The following PGBD5 variants were observed in gnomAD, a reference collection of about 807,000 sequenced individuals.
PGBD5 encodes piggyBac transposable element derived 5.
PGBD5 carries 14 observed loss-of-function variants against 47.9 expected under a neutral mutation model. That is an observed-to-expected ratio of 0.29 (90% CI 0.19 to 0.46). The LOEUF is 0.46. Among genes scored for constraint, PGBD5 ranks in the 20% least tolerant of loss-of-function variants. The pLI is 1.00. For missense variants in PGBD5, 635 were observed against 716.0 expected (o/e 0.89, Z 1.29); for synonymous variants, 316 against 306.3 (o/e 1.03, Z -0.33).
At chr1:230,362,671 TG>T (rs1431509840) in intron 1 of PGBD5, among the ~76,000 whole-genome samples, 1 of 152,076 alleles carries the variant, frequency 6.6e-6, no homozygotes, top group African/African-American at 2.4e-5. Context: ...CCAGCTAAAG[TG>T]TGAAAGCAGA....
intron 2 of PGBD5, among the ~76,000 whole-genome samples, chr1:230,351,926 C>T (rs775198589): frequency 3.3e-5 from 5 of 152,190 alleles, no homozygotes; most frequent in Non-Finnish European, 7.3e-5. Flanking sequence ...GGCCACAGAT[C>T]TGCTTCTTCA....
intron 1 of PGBD5, among the ~76,000 whole-genome samples, chr1:230,399,925 G>A (rs1441840188): frequency 1.3e-5 from 2 of 152,198 alleles, no homozygotes; most frequent in African/African-American, 2.4e-5. Context: ...GTTATGGCGG[G>A]AGCCAGATCC....
At chr1:230,346,955 T>C (rs1183065350) in intron 3 of PGBD5, among the ~76,000 whole-genome samples, 1 of 152,194 alleles carries the variant, frequency 6.6e-6, no homozygotes, top group Non-Finnish European at 1.5e-5. Flanking sequence ...TAGATTTGCA[T>C]TGGTGCAGGT....
chr1:230,336,538 G>A (rs146295189), intron 4 of PGBD5, among the ~76,000 whole-genome samples: 346 of 152,260 alleles, frequency 2.3e-3, no homozygotes, highest in African/African-American at 8.0e-3. Context: ...CTTGCCACAG[G>A]GCTCCCTGAA....
chr1:230,401,541 A>G (rs999131241), intron 1 of PGBD5, among the ~76,000 whole-genome samples: 1 of 152,250 alleles, frequency 6.6e-6, no homozygotes, highest in East Asian at 1.9e-4. Context: ...CAAGATCAAA[A>G]GGCGGCAAGA....
Position 230,350,973 on chromosome 1 carries a change from A to G in PGBD5, c.879T>C (p.Thr293=). ...CAGGGCTCACCTGGATGATGAAGCCAGTGGAAGAACATTGTCTGACCCAGA... is the reference window on the plus strand; with the variant it reads ...CAGGGCTCACCTGGATGATGAAGCCGGTGGAAGAACATTGTCTGACCCAGA... ...FSLWVRQCSS[T]GFIIQIYVHL... Residue 293 remains threonine (T), a synonymous_variant, in exon 3 of 7, where the codon ACT becomes ACC. Transcript: ENST00000391860. The G allele has an allele frequency of 6.2e-7, 1 of 1,614,084 alleles. No homozygotes were observed. Among genetic ancestry groups the G allele is most frequent in the South Asian group, 1.1e-5 (1 of 91,060 alleles).
chr1:230,394,335 T>C (rs1235485770), intron 1 of PGBD5, among the ~76,000 whole-genome samples: 1 of 151,828 alleles, frequency 6.6e-6, no homozygotes, highest in Non-Finnish European at 1.5e-5. Context: ...GTGGCGGTTT[T>C]CGAGTATGAG....
At chr1:230,406,311 C>CAAAAAA (rs67577027) in intron 1 of PGBD5, among the ~76,000 whole-genome samples, 19 of 54,584 alleles carry the variant, frequency 3.5e-4, no homozygotes, top group Admixed American at 6.5e-4. Context: ...GACTCCGTCT[C>CAAAAAA]AAAAAAAAAA....
chr1:230,340,678 T>G (rs529597871), intron 3 of PGBD5, among the ~76,000 whole-genome samples: 185 of 152,216 alleles, frequency 1.2e-3, no homozygotes, highest in Admixed American at 5.5e-3. Flanking sequence ...GCAGTATCTT[T>G]GGGTCTGAGT....
intron 1 of PGBD5, among the ~76,000 whole-genome samples, chr1:230,404,069 A>G (rs1380290636): frequency 6.6e-6 from 1 of 152,202 alleles, no homozygotes. Flanking sequence ...CACTCAGAAG[A>G]TCAAGACCAG....
Position 230,425,351 on chromosome 1 carries a change from A to G in PGBD5, c.331+247T>C, listed in dbSNP as rs1295992375. 1.3e-5 allele frequency among the ~76,000 whole-genome samples: 2 copies of G among 152,172 alleles called. No individual in the cohort carries two copies. The highest frequency in any genetic ancestry group is 4.8e-5 in the African/African-American group (2 of 41,444). On this transcript the variant is annotated intron_variant, in intron 1 of 6. Transcript: ENST00000391860. The surrounding 1 kb of genome is among the most constrained non-coding windows in gnomAD (Gnocchi z 4.7). ...GGGTGCTCCCAGGAAGTGAAGGAAA[A>G]GGTCCCCGACGACATTGTCACTGGA...
chr1:230,316,621 C>T lies in PGBD5; in HGVS notation c.*6804G>A, dbSNP rs895250035. 1.3e-4 allele frequency: 20 copies of T among 151,906 alleles called. No individual in the cohort carries two copies. The highest frequency in any genetic ancestry group is 2.1e-4 in the South Asian group (1 of 4,808). The allele number at this position is 151,906 out of a possible 1,614,324, so 9.4% of individuals were successfully genotyped here. ...CAATTATTGTTTTTTTTTCCTACCA[C>T]GACTCTTGCCAAAATTTGGCTGTTT... is the stretch of plus-strand genomic sequence containing the variant. On this transcript the variant is annotated 3_prime_UTR_variant, in exon 7 of 7. Coordinates refer to ENST00000391860, the MANE Select transcript of PGBD5 (RefSeq NM_001258311.2).
At chr1:230,381,099 G>C (rs774831863) in intron 1 of PGBD5, among the ~76,000 whole-genome samples, 4 of 152,236 alleles carry the variant, frequency 2.6e-5, no homozygotes, top group Non-Finnish European at 5.9e-5. Context: ...TTCTCCCAGT[G>C]AACCTCTGAA....
intron 1 of PGBD5, among the ~76,000 whole-genome samples, chr1:230,406,234 G>C: frequency 6.6e-6 from 1 of 150,650 alleles, no homozygotes; most frequent in East Asian, 1.9e-4. Flanking sequence ...CGTGAACCCA[G>C]GAGGCAGAGC....
At chr1:230,409,092 T>C (rs189740205) in intron 1 of PGBD5, among the ~76,000 whole-genome samples, 15 of 152,328 alleles carry the variant, frequency 9.8e-5, no homozygotes, top group Admixed American at 5.9e-4. Flanking sequence ...AAATGGACAG[T>C]TGGCATATGA....
chr1:230,362,081 C>G (rs1667752337), intron 1 of PGBD5, among the ~76,000 whole-genome samples: 2 of 152,196 alleles, frequency 1.3e-5, no homozygotes, highest in South Asian at 2.1e-4. Flanking sequence ...AGGGTCTGGT[C>G]ACTGTCACAG....
At chr1:230,351,613 A>G (rs1213492573) in intron 2 of PGBD5, among the ~76,000 whole-genome samples, 1 of 152,154 alleles carries the variant, frequency 6.6e-6, no homozygotes, top group Non-Finnish European at 1.5e-5. Flanking sequence ...AAGAAAAAAA[A>G]TGCTATTTTT....
Position 230,316,009 on chromosome 1 carries a change from C to A in PGBD5, c.*7416G>T, listed in dbSNP as rs569988680. ...GTATACATACATAAGTATATGTGTA[C>A]ACATATATGTATGTGTATACATACA... On this transcript the variant is annotated 3_prime_UTR_variant, in exon 7 of 7. Transcript: ENST00000391860. The A allele has an allele frequency of 7.9e-6, 1 of 126,210 alleles. No individual in the cohort carries two copies. The highest frequency in any genetic ancestry group is 3.0e-5 in the African/African-American group (1 of 33,554). 7.8% of individuals were successfully genotyped at this position (126,210 alleles called of 1,614,324 possible).
chr1:230,360,368 T>TGGAG (rs749608701), intron 1 of PGBD5, among the ~76,000 whole-genome samples: 54 of 144,610 alleles, frequency 3.7e-4, no homozygotes, highest in Non-Finnish European at 6.5e-4. Flanking sequence ...CTGTGACCTG[T>TGGAG]GGAGGGAGGG....
Sources: allele counts gnomAD v4.1 joint callset (sites outside exome capture counted in the v4.1 genomes callset), GRCh38; gene constraint gnomAD v4.1.1; non-coding constraint Gnocchi (gnomAD v3.1); transcripts MANE v1.5; gene names NCBI Gene and HGNC (gene_info 2026-07-23, HGNC 2026-07-21).